The following SF3A3 variants were observed in gnomAD, a reference collection of about 807,000 sequenced individuals.
SF3A3 encodes the protein splicing factor 3a subunit 3, also known as SAP 61.
SF3A3 carries 9 observed loss-of-function variants against 85.8 expected under a neutral mutation model. That is an observed-to-expected ratio of 0.10 (90% confidence interval 0.06 to 0.18). SF3A3 has a LOEUF of 0.18. Among genes scored for constraint, SF3A3 ranks in the 10% least tolerant of loss-of-function variants. The pLI is 1.00. For missense variants in SF3A3, 306 were observed against 593.3 expected (o/e 0.52, Z 5.03); for synonymous variants, 195 against 204.4 (o/e 0.95, Z 0.39).
intron 4 of SF3A3, among the ~76,000 whole-genome samples, chr1:37,985,380 A>C (rs1646449039): frequency 6.6e-6 from 1 of 151,776 alleles, no homozygotes; most frequent in Non-Finnish European, 1.5e-5. Flanking sequence ...GTGGTTCCCA[A>C]ACTTTGCTGC....
At chr1:37,978,073 C>T (rs1310892694) in intron 11 of SF3A3, among the ~76,000 whole-genome samples, 2 of 151,676 alleles carry the variant, frequency 1.3e-5, no homozygotes, top group African/African-American at 2.4e-5. Context: ...CACGGTGGCT[C>T]GCGCCTATAA....
At chr1:37,961,466 C>A (rs1380089648) in intron 15 of SF3A3, among the ~76,000 whole-genome samples, 1 of 151,836 alleles carries the variant, frequency 6.6e-6, no homozygotes, top group Non-Finnish European at 1.5e-5. Context: ...TGCCTGTAAT[C>A]CCAGCTACTC....
At chr1:37,978,075 C>T (rs981187695) in intron 11 of SF3A3, among the ~76,000 whole-genome samples, 2 of 151,698 alleles carry the variant, frequency 1.3e-5, no homozygotes, top group Middle Eastern at 3.4e-3. Context: ...CGGTGGCTCG[C>T]GCCTATAATC....
intron 15 of SF3A3, 30 bp from the exon 16 acceptor site, chr1:37,960,205 GA>G: frequency 6.2e-7 from 1 of 1,606,530 alleles, no homozygotes; most frequent in Non-Finnish European, 8.5e-7. Context: ...CAGCAATCAG[GA>G]TGGACTGAAC....
Position 37,976,831 on chromosome 1 carries a change from C to CTT in SF3A3, c.1005+51_1005+52dup, listed in dbSNP as rs1646382538. On this transcript the variant is annotated intron_variant, in intron 12 of 16. Transcript: ENST00000373019. ...AAGTATCTTCTGTGAGTTCCTCTCCCTTTAACTCCTGTGCTTTATACCATT... is the reference window on the plus strand; with the variant it reads ...AAGTATCTTCTGTGAGTTCCTCTCCCTTTTTAACTCCTGTGCTTTATACCATT... 4.4e-6 allele frequency: 5 copies of CTT among 1,140,570 alleles called. No individual in the cohort carries two copies. The East Asian group carries it at 1.2e-4, about 27-fold the overall frequency. 70.7% of individuals were successfully genotyped at this position (1,140,570 alleles called of 1,614,324 possible).
intron 16 of SF3A3, 22 bp from the exon 17 acceptor site, chr1:37,958,285 T>C (rs761641453): frequency 2.6e-6 from 4 of 1,530,616 alleles, no homozygotes; most frequent in Admixed American, 3.3e-5. Context: ...GGGGTACACT[T>C]TGTTAGACAG....
intron 15 of SF3A3, among the ~76,000 whole-genome samples, chr1:37,961,692 A>G (rs1557746183): frequency 8.0e-6 from 1 of 125,750 alleles, no homozygotes; most frequent in Non-Finnish European, 1.6e-5. Flanking sequence ...GGACCCTGTC[A>G]TATTCTTTGC....
intron 12 of SF3A3, among the ~76,000 whole-genome samples, chr1:37,974,227 T>TA (rs998266900): frequency 1.1e-4 from 16 of 147,520 alleles, no homozygotes; most frequent in African/African-American, 3.8e-4. Context: ...ACTTAAAGTA[T>TA]AAAAAAAAAT....
chr1:37,959,549 C>T (rs1238018563), intron 16 of SF3A3, among the ~76,000 whole-genome samples: 1 of 152,068 alleles, frequency 6.6e-6, no homozygotes, highest in Non-Finnish European at 1.5e-5. Flanking sequence ...GCTGGGACTA[C>T]TAGCATGCGC....
At chr1:37,980,506 A>T (rs1280606206) in intron 8 of SF3A3, 80 bp downstream of exon 8, 1 of 1,477,226 alleles carries the variant, frequency 6.8e-7, no homozygotes, top group East Asian at 2.3e-5. Context: ...CTAATGCCCT[A>T]AAGTGGAAGC....
chr1:37,965,106 C>T (rs182086058), intron 15 of SF3A3, among the ~76,000 whole-genome samples: 1 of 151,508 alleles, frequency 6.6e-6, no homozygotes, highest in East Asian at 1.9e-4. Flanking sequence ...TGCAGTGAGC[C>T]GAGATCAGCC....
intron 8 of SF3A3, 51 bp from the exon 9 acceptor site, chr1:37,979,584 G>T: frequency 1.4e-6 from 2 of 1,433,934 alleles, no homozygotes; most frequent in Non-Finnish European, 2.0e-6. Context: ...GGCCAGGTGT[G>T]GTGGCTCACA....
intron 6 of SF3A3, among the ~76,000 whole-genome samples, chr1:37,983,722 G>C (rs1029227591): frequency 1.3e-5 from 2 of 151,588 alleles, no homozygotes; most frequent in Non-Finnish European, 2.9e-5. Flanking sequence ...ATCATTTGAG[G>C]TCAGGAGTTT....
intron 15 of SF3A3, among the ~76,000 whole-genome samples, chr1:37,967,030 A>AT (rs1646306164): frequency 1.5e-5 from 2 of 136,886 alleles, no homozygotes; most frequent in African/African-American, 5.6e-5. Context: ...TGGGTGGATC[A>AT]CTTGAGGTCA....
At chr1:37,966,673 A>G (rs1473875243) in intron 15 of SF3A3, among the ~76,000 whole-genome samples, 1 of 152,072 alleles carries the variant, frequency 6.6e-6, no homozygotes, top group Non-Finnish European at 1.5e-5. Context: ...ACGGTGGATC[A>G]CGCCTGTAAT....
At chr1:37,972,509 T>C (rs1230594410) in intron 12 of SF3A3, among the ~76,000 whole-genome samples, 1 of 152,102 alleles carries the variant, frequency 6.6e-6, no homozygotes, top group Non-Finnish European at 1.5e-5. Flanking sequence ...CTTCACAGAA[T>C]TGGAAAAAAC....
intron 16 of SF3A3, among the ~76,000 whole-genome samples, chr1:37,959,061 G>A (rs1198020106): frequency 1.3e-5 from 2 of 151,324 alleles, no homozygotes; most frequent in Non-Finnish European, 2.9e-5. Flanking sequence ...ACTCCCACTT[G>A]CCATTTCAAC....
intron 4 of SF3A3, among the ~76,000 whole-genome samples, chr1:37,987,196 A>C (rs1278821784): frequency 2.6e-5 from 4 of 152,164 alleles, no homozygotes; most frequent in African/African-American, 4.8e-5. Flanking sequence ...CTCTTGCCTC[A>C]GCCTCCTGAG....
At chr1:37,980,216 G>A (rs1646408153) in intron 8 of SF3A3, among the ~76,000 whole-genome samples, 1 of 152,112 alleles carries the variant, frequency 6.6e-6, no homozygotes, top group Non-Finnish European at 1.5e-5. Context: ...CCTGAGGTCG[G>A]GAATTTGAGA....
Sources: allele counts gnomAD v4.1 joint callset (sites outside exome capture counted in the v4.1 genomes callset), GRCh38; gene constraint gnomAD v4.1.1; transcripts MANE v1.5; gene names NCBI Gene and HGNC (gene_info 2026-07-23, HGNC 2026-07-21).